PRKN: variants seen among roughly 807,000 people sequenced by gnomAD.
The protein encoded by PRKN is E3 ubiquitin-protein ligase parkin.
Under a neutral mutation model 59.5 loss-of-function variants are expected in PRKN, and 56 were observed. The observed-to-expected ratio is 0.94, with a 90% CI of 0.76 to 1.18. The LOEUF is 1.18. Ranked by LOEUF, PRKN falls within the 50% of genes most tolerant of loss-of-function variation. The probability of loss-of-function intolerance (pLI) is 0.00; values close to 1 mark genes in which losing one functional copy is unlikely to be tolerated. For missense variants in PRKN, 657 were observed against 596.4 expected, an observed-to-expected ratio of 1.10 and a Z score of -1.06; for synonymous variants, 250 against 222.1, an observed-to-expected ratio of 1.13 and a Z score of -1.12.
chr6:162,011,900 A>C (rs1190671491), intron 5 of PRKN, among the ~76,000 whole-genome samples: 1 of 48,174 alleles, frequency 2.1e-5, no homozygotes, highest in Non-Finnish European at 3.4e-5. Context: ...AAATGCTGTG[A>C]GAACTTTGGA....
At chr6:162,100,960 C>T (rs1779947763) in intron 4 of PRKN, among the ~76,000 whole-genome samples, 1 of 151,924 alleles carries the variant, frequency 6.6e-6, no homozygotes, top group African/African-American at 2.4e-5. Context: ...TTTTTGAGTT[C>T]CTTATCTATT....
In PRKN at chr6:162,293,974, G is replaced by A. The variant is rs771147339; in HGVS notation, c.172-31209C>T. Among the ~76,000 whole-genome samples, 9 of 152,198 alleles carry A rather than the reference G, an allele frequency of 5.9e-5. No homozygotes were observed. The South Asian group carries it at 6.2e-4, about 11-fold the overall frequency. ...ATTACAGGCATGAGCCACTATTCCC[G>A]GCTGGGAGAAGTCTTAGGGCTTAGA... On this transcript the variant is annotated intron_variant, in intron 2 of 11. Coordinates refer to ENST00000366898, the MANE Select transcript of PRKN (RefSeq NM_004562.3).
chr6:162,315,280 C>CTAGT (rs1248233023), intron 2 of PRKN, among the ~76,000 whole-genome samples: 3 of 152,088 alleles, frequency 2.0e-5, no homozygotes, highest in Non-Finnish European at 4.4e-5. Context: ...ATATAAGCAA[C>CTAGT]TAGTTATTGA....
intron 3 of PRKN, among the ~76,000 whole-genome samples, chr6:162,212,665 T>C (rs775916948): frequency 1.3e-5 from 2 of 152,154 alleles, no homozygotes; most frequent in Non-Finnish European, 2.9e-5. Flanking sequence ...ACAACAGGGA[T>C]ATATTCTGAG....
Position 161,484,937 on chromosome 6 carries a change from G to A in PRKN, c.1083+63917C>T, listed in dbSNP as rs1426833064. 6.6e-6 allele frequency among the ~76,000 whole-genome samples: 1 copy of A among 152,068 alleles called. No individual in the cohort carries two copies. The highest frequency in any genetic ancestry group is 1.9e-4 in the East Asian group (1 of 5,172). ...CTGCTCCTAACCACCTGCCTTTGCT[G>A]CCGCCGGCTTCCCCCTGCTTCTTTG... On this transcript the variant is annotated intron_variant, in intron 9 of 11. Transcript: ENST00000366898. The surrounding 1 kb of genome is among the most constrained non-coding windows in gnomAD (Gnocchi z 4.9).
intron 4 of PRKN, among the ~76,000 whole-genome samples, chr6:162,062,206 A>G (rs1778131442): frequency 6.6e-6 from 1 of 152,236 alleles, no homozygotes; most frequent in African/African-American, 2.4e-5. Flanking sequence ...GACAAGATGT[A>G]GTATGACTAT....
At chr6:162,297,707 T>A (rs916022715) in intron 2 of PRKN, among the ~76,000 whole-genome samples, 6 of 152,078 alleles carry the variant, frequency 3.9e-5, no homozygotes, top group African/African-American at 1.4e-4. Context: ...AAAATATAAT[T>A]AAAAACCACA....
chr6:161,604,195 C>T (rs1306736605), intron 7 of PRKN, among the ~76,000 whole-genome samples: 1 of 151,922 alleles, frequency 6.6e-6, no homozygotes, highest in Non-Finnish European at 1.5e-5. Context: ...CAATGCTTTT[C>T]TTTTTTTTCC....
intron 8 of PRKN, among the ~76,000 whole-genome samples, chr6:161,556,969 G>T (rs1780262750): frequency 2.0e-5 from 3 of 152,134 alleles, no homozygotes. Context: ...TTCTAGATAT[G>T]CTTTCATAAA....
At chr6:162,366,899 C>G (rs1785469555) in intron 2 of PRKN, among the ~76,000 whole-genome samples, 1 of 152,084 alleles carries the variant, frequency 6.6e-6, no homozygotes, top group Non-Finnish European at 1.5e-5. Flanking sequence ...AACTCCATCT[C>G]AAAATAAAAT....
In PRKN at chr6:161,419,218, C is replaced by T. The variant is rs1331489074; in HGVS notation, c.1084-32341G>A. Reference sequence around the variant, plus strand: ...TTCTTGTGCGTGATCTCACCTGTTCCCCCACTTATGTGACCATTTTACAAT... The same window carrying T: ...TTCTTGTGCGTGATCTCACCTGTTCTCCCACTTATGTGACCATTTTACAAT... On this transcript the variant is annotated intron_variant, in intron 9 of 11. Coordinates refer to ENST00000366898, the MANE Select transcript of PRKN (RefSeq NM_004562.3). This position sits in a 1 kb window ranked among gnomAD's most constrained non-coding sequence, Gnocchi z 4.1. Among the ~76,000 whole-genome samples the T allele has an allele frequency of 6.6e-6, 1 of 152,062 alleles. No individual in the cohort carries two copies.
At position 162,647,949 on chromosome 6, in the gene PRKN, C is replaced by CAAAAAAAAAAAAAAAAAAAAAAA. The variant is rs398003250; in HGVS notation, c.7+79690_7+79712dup. 1.1e-4 allele frequency among the ~76,000 whole-genome samples: 8 copies of CAAAAAAAAAAAAAAAAAAAAAAA among 75,650 alleles called. 3 individuals carry two copies. Among genetic ancestry groups the CAAAAAAAAAAAAAAAAAAAAAAA allele is most frequent in the African/African-American group, 2.2e-4 (4 of 17,958 alleles). The allele number at this position is 75,650 out of a possible 152,430, so 49.6% of individuals were successfully genotyped here. A position where few individuals can be genotyped will look rare whatever the true frequency, so the allele number is the denominator to read the frequency against. On this transcript the variant is annotated intron_variant, in intron 1 of 11. Transcript: ENST00000366898. ...GAACCATCTCTATATGTCCACAGTG[C>CAAAAAAAAAAAAAAAAAAAAAAA]AAAAAAAAAAAAAAAAAAAAAAAAA...
At chr6:162,399,916 AAAG>A (rs1311594603) in intron 2 of PRKN, among the ~76,000 whole-genome samples, 1 of 152,200 alleles carries the variant, frequency 6.6e-6, no homozygotes, top group Non-Finnish European at 1.5e-5. Context: ...AAAAGAAATC[AAAG>A]AAGAGGCTGG....
intron 3 of PRKN, among the ~76,000 whole-genome samples, chr6:162,212,999 C>T (rs908818394): frequency 1.2e-4 from 18 of 152,072 alleles, no homozygotes; most frequent in Admixed American, 1.2e-3. Flanking sequence ...TATATGTGGT[C>T]CATCCTTGAC....
At chr6:161,920,445 CAT>C (rs1778739742) in intron 6 of PRKN, among the ~76,000 whole-genome samples, 1 of 152,048 alleles carries the variant, frequency 6.6e-6, no homozygotes, top group Non-Finnish European at 1.5e-5. Flanking sequence ...TATCTAAACA[CAT>C]GTGAACATGG....
Position 161,423,812 on chromosome 6 carries a change from C to T in PRKN, c.1084-36935G>A, listed in dbSNP as rs555545428. Reference sequence around the variant, plus strand: ...GAGGGAGGGGACTCTGCCTAGGTCTCATCATTGTGTATGAATTGACAGAAC... The same window carrying T: ...GAGGGAGGGGACTCTGCCTAGGTCTTATCATTGTGTATGAATTGACAGAAC... On this transcript the variant is annotated intron_variant, in intron 9 of 11. Transcript: ENST00000366898. This position sits in a 1 kb window ranked among gnomAD's most constrained non-coding sequence, Gnocchi z 5.9. 6.6e-5 allele frequency among the ~76,000 whole-genome samples: 10 copies of T among 152,316 alleles called. No homozygotes were observed. In the East Asian group the frequency reaches 1.9e-3, roughly 29 times the overall value.
chr6:161,597,363 T>C (rs1016275520), intron 7 of PRKN, among the ~76,000 whole-genome samples: 1 of 152,202 alleles, frequency 6.6e-6, no homozygotes, highest in African/African-American at 2.4e-5. Flanking sequence ...ATATTTCACA[T>C]TTCTGCATAG....
intron 5 of PRKN, among the ~76,000 whole-genome samples, chr6:162,052,997 T>C (rs912290761): frequency 1.3e-5 from 2 of 152,168 alleles, no homozygotes; most frequent in Non-Finnish European, 2.9e-5. Context: ...TTAAGAATTC[T>C]GCCCTATGAA....
At chr6:162,250,092 G>A (rs1294046013) in intron 3 of PRKN, among the ~76,000 whole-genome samples, 3 of 149,792 alleles carry the variant, frequency 2.0e-5, no homozygotes, top group African/African-American at 7.4e-5. Context: ...GTTGCAGTGA[G>A]CCGAGATCAC....
Sources: gnomAD v4.1 joint callset for allele counts (sites outside exome capture counted in the v4.1 genomes callset) on GRCh38, gnomAD v4.1.1 for gene constraint, Gnocchi (gnomAD v3.1) non-coding constraint, MANE v1.5 for transcripts, NCBI Gene and HGNC (gene_info 2026-07-23, HGNC 2026-07-21) for gene names.